LSAMP: variants seen among roughly 807,000 people sequenced by gnomAD.
The protein encoded by LSAMP is limbic system-associated membrane protein.
In LSAMP, 7 loss-of-function variants were observed where a neutral mutation model predicts 38.6. The ratio of observed to expected loss-of-function variants is 0.18; its 90% CI spans 0.10 to 0.34. The LOEUF (loss-of-function observed/expected upper bound fraction) is 0.34, where lower values mean the gene tolerates loss of function less well. LSAMP is among the 10% of genes least tolerant of loss of function. The probability of loss-of-function intolerance (pLI) is 1.00; values close to 1 mark genes in which losing one functional copy is unlikely to be tolerated. For synonymous variants in LSAMP, 154 were observed against 166.8 expected (o/e 0.92, Z 0.59); for missense variants, 313 against 420.0 (o/e 0.75, Z 2.23).
At chr3:116,061,839 G>A (rs1941600146) in intron 2 of LSAMP, among the ~76,000 whole-genome samples, 1 of 152,170 alleles carries the variant, frequency 6.6e-6, no homozygotes. Context: ...TTCGTTGAAT[G>A]TATAAATCGT....
chr3:115,958,000 T>C (rs1012113043), intron 3 of LSAMP, among the ~76,000 whole-genome samples: 5 of 152,176 alleles, frequency 3.3e-5, no homozygotes, highest in Non-Finnish European at 4.4e-5. Flanking sequence ...ATATAAAAAA[T>C]CCCACTCTTG....
chr3:116,246,296 T>A (rs116551930), intron 1 of LSAMP, among the ~76,000 whole-genome samples: 4,025 of 152,274 alleles, frequency 0.026, 67 homozygotes, highest in South Asian at 0.052. Context: ...TTCTGAGGTA[T>A]CATTGCCAGA....
intron 2 of LSAMP, among the ~76,000 whole-genome samples, chr3:116,064,142 C>G (rs1324814484): frequency 1.3e-5 from 2 of 152,116 alleles, no homozygotes. Flanking sequence ...TCTTTAACAT[C>G]ATAAGCATTT....
At chr3:116,022,172 C>A (rs908315821) in intron 2 of LSAMP, among the ~76,000 whole-genome samples, 2 of 152,018 alleles carry the variant, frequency 1.3e-5, no homozygotes, top group African/African-American at 4.8e-5. Flanking sequence ...CTCCCATAAG[C>A]ATGTACATAT....
chr3:115,984,430 T>A (rs912383235), intron 3 of LSAMP, among the ~76,000 whole-genome samples: 5 of 152,142 alleles, frequency 3.3e-5, no homozygotes, highest in Non-Finnish European at 5.9e-5. Flanking sequence ...AATCAGTGAT[T>A]TTCTTCCATT....
intron 1 of LSAMP, among the ~76,000 whole-genome samples, chr3:116,247,146 T>G (rs1215705338): frequency 6.6e-6 from 1 of 152,234 alleles, no homozygotes; most frequent in Non-Finnish European, 1.5e-5. Context: ...CACAGAACTC[T>G]GATCTCAACA....
chr3:116,125,416 A>G (rs1425377787), intron 1 of LSAMP, among the ~76,000 whole-genome samples: 1 of 63,482 alleles, frequency 1.6e-5, no homozygotes, highest in Non-Finnish European at 3.0e-5. Context: ...GTGTTTCTTT[A>G]TCTTTCCTTG....
chr3:116,425,939 A>G (rs1351080987), intron 1 of LSAMP, among the ~76,000 whole-genome samples: 1 of 152,052 alleles, frequency 6.6e-6, no homozygotes, highest in Non-Finnish European at 1.5e-5. Context: ...CATTCCTAAC[A>G]AAAAGAGAGG....
At chr3:115,838,823 T>A (rs931532224) in intron 6 of LSAMP, among the ~76,000 whole-genome samples, 4 of 152,206 alleles carry the variant, frequency 2.6e-5, no homozygotes, top group Admixed American at 6.5e-5. Flanking sequence ...GACTGCAAGT[T>A]TACACTGTGT....
intron 1 of LSAMP, among the ~76,000 whole-genome samples, chr3:116,334,334 G>A (rs909166433): frequency 5.3e-5 from 8 of 151,926 alleles, no homozygotes; most frequent in African/African-American, 9.7e-5. Context: ...ACTAACACCC[G>A]TCCTTCTCAA....
intron 1 of LSAMP, among the ~76,000 whole-genome samples, chr3:116,327,266 C>T (rs780447276): frequency 6.6e-6 from 1 of 152,160 alleles, no homozygotes; most frequent in Non-Finnish European, 1.5e-5. Flanking sequence ...TTCTTACCAC[C>T]TGTCATGCCC....
intron 1 of LSAMP, among the ~76,000 whole-genome samples, chr3:116,198,333 C>T (rs578087129): frequency 1.3e-5 from 2 of 152,200 alleles, no homozygotes; most frequent in South Asian, 4.1e-4. Flanking sequence ...AGAATGAGAA[C>T]CTCAAAATGC....
intron 1 of LSAMP, among the ~76,000 whole-genome samples, chr3:116,377,055 CCTCA>C (rs2048503275): frequency 2.6e-5 from 4 of 151,904 alleles, no homozygotes; most frequent in Admixed American, 2.6e-4. Context: ...ACCACATACA[CCTCA>C]CTATTTTTTT....
intron 1 of LSAMP, among the ~76,000 whole-genome samples, chr3:116,146,276 T>C (rs1003825608): frequency 4.6e-5 from 7 of 151,982 alleles, no homozygotes; most frequent in Non-Finnish European, 8.8e-5. Context: ...TTGTCATGTA[T>C]GGCATCAGCT....
intron 6 of LSAMP, among the ~76,000 whole-genome samples, chr3:115,833,455 T>C (rs952604259): frequency 9.2e-5 from 14 of 151,636 alleles, no homozygotes; most frequent in Non-Finnish European, 1.0e-4. Context: ...ATAACTCTTA[T>C]TAAACTGTCT....
intron 1 of LSAMP, among the ~76,000 whole-genome samples, chr3:116,113,936 A>C (rs1708686849): frequency 6.6e-6 from 1 of 152,208 alleles, no homozygotes. Flanking sequence ...CGGAGGATTA[A>C]AACACTGATT....
chr3:116,228,678 G>A (rs2046368550), intron 1 of LSAMP, among the ~76,000 whole-genome samples: 1 of 152,056 alleles, frequency 6.6e-6, no homozygotes. Flanking sequence ...GTTATTAAAT[G>A]TAAAAACAAT....
At chr3:115,819,427 C>CAA (rs1156338076) in intron 6 of LSAMP, among the ~76,000 whole-genome samples, 3 of 130,166 alleles carry the variant, frequency 2.3e-5, no homozygotes, top group African/African-American at 5.7e-5. Flanking sequence ...AGACTCTGTC[C>CAA]AAAAAAAAAA....
intron 3 of LSAMP, among the ~76,000 whole-genome samples, chr3:115,868,107 C>G (rs988812912): frequency 6.6e-6 from 1 of 152,146 alleles, no homozygotes; most frequent in Non-Finnish European, 1.5e-5. Context: ...ATCAAGGCAT[C>G]TTCTGCACAT....
Sources: allele counts gnomAD v4.1 joint callset (sites outside exome capture counted in the v4.1 genomes callset), GRCh38; gene constraint gnomAD v4.1.1; transcripts MANE v1.5; gene names NCBI Gene and HGNC (gene_info 2026-07-23, HGNC 2026-07-21).